Variants in MYH10 observed in about 807,000 individuals in gnomAD.
MYH10 encodes the protein myosin-10.
MYH10 carries 55 observed loss-of-function variants against 257.8 expected under a neutral mutation model. The observed-to-expected ratio is 0.21, with a 90% CI of 0.17 to 0.27. The LOEUF (loss-of-function observed/expected upper bound fraction) is 0.27. MYH10 is among the 10% of genes least tolerant of loss of function. MYH10 has a pLI of 1.00. For missense variants in MYH10, 1,631 were observed against 2,500.6 expected (o/e 0.65, Z 7.42); for synonymous variants, 854 against 921.7 (o/e 0.93, Z 1.33).
At chr17:8,502,376 G>A (rs112867992) in intron 28 of MYH10, among the ~76,000 whole-genome samples, 343 of 152,250 alleles carry the variant, frequency 2.3e-3, no homozygotes, top group Non-Finnish European at 3.8e-3. Flanking sequence ...GGTCAAAGAC[G>A]TGCTGGTCTG....
intron 25 of MYH10, among the ~76,000 whole-genome samples, chr17:8,509,017 C>G (rs141389150): frequency 1.2e-3 from 181 of 152,324 alleles, no homozygotes; most frequent in Middle Eastern, 3.4e-3. Context: ...ATGTCCTAGG[C>G]CTTCACATTC....
At position 8,480,226 on chromosome 17, in the gene MYH10, C is replaced by T; in HGVS notation, c.5481G>A (p.Glu1827=). 6.2e-7 allele frequency: 1 copy of T among 1,614,154 alleles called. No homozygotes were observed. The highest frequency in any genetic ancestry group is 8.5e-7 in the Non-Finnish European group (1 of 1,180,040). ...ARQQLERQNK[E]LKAKLQELEG... is the part of the protein sequence containing the mutation. ...CGAGTTCCTGCAGCTTGGCCTTCAGCTCCTTGTTCTGCCGCTCCAGTTGCT... is the reference window on the plus strand; with the variant it reads ...CGAGTTCCTGCAGCTTGGCCTTCAGTTCCTTGTTCTGCCGCTCCAGTTGCT... The change falls in exon 40 of 43, where the codon GAG becomes GAA. Residue 1827 remains glutamate, a synonymous_variant. Transcript: ENST00000360416.
In MYH10 at chr17:8,487,545, A is replaced by G. The variant is rs1437448775; in HGVS notation, c.4934T>C (p.Leu1645Pro). Residue 1645 changes from leucine (L) to proline (P), a missense_variant, in exon 36 of 43, where the codon CTT (leucine) becomes CCT (proline). By Grantham distance (98) the Leu-to-Pro change is moderately conservative. This residue lies in a region of MYH10 where 463 missense variants were observed against 621.8 expected (regional missense o/e 0.74). Transcript: ENST00000360416. ...ELEDERKQRALAVASKKKMEI... is the reference protein window; with the variant it reads ...ELEDERKQRAPAVASKKKMEI... ...CATCTTTTTCTTTGAAGCTACAGCAAGCGCCCGCTGTTTCCTCTCATCCTC... is the reference window on the plus strand; with the variant it reads ...CATCTTTTTCTTTGAAGCTACAGCAGGCGCCCGCTGTTTCCTCTCATCCTC... 1 of 1,614,206 alleles carries G rather than the reference A, an allele frequency of 6.2e-7. No individual in the cohort carries two copies. The highest frequency in any genetic ancestry group is 1.7e-5 in the Admixed American group (1 of 60,024).
intron 4 of MYH10, among the ~76,000 whole-genome samples, chr17:8,583,625 T>C (rs1355211388): frequency 6.6e-6 from 1 of 152,224 alleles, no homozygotes; most frequent in Non-Finnish European, 1.5e-5. Context: ...TTCAACTACA[T>C]TACACTGTTG....
In MYH10 at chr17:8,492,821, G is replaced by A; in HGVS notation, c.4413C>T (p.Arg1471=). ...DDLTVDLDHQ[R]QVASNLEKKQ... ...TCTTCTCCAAGTTGGAGGCGACCTGGCGCTGGTGGTCCAGGTCCACCGTGA... is the reference window on the plus strand; with the variant it reads ...TCTTCTCCAAGTTGGAGGCGACCTGACGCTGGTGGTCCAGGTCCACCGTGA... Residue 1471 remains arginine (R), a synonymous_variant, in exon 33 of 43, where the codon CGC becomes CGT. Coordinates refer to ENST00000360416, the MANE Select transcript of MYH10 (RefSeq NM_001256012.3). The A allele has an allele frequency of 1.2e-6, 2 of 1,614,002 alleles. No individual in the cohort carries two copies. The highest frequency in any genetic ancestry group is 2.2e-5 in the South Asian group (2 of 91,076).
At chr17:8,533,777 C>T (rs1337361384) in intron 16 of MYH10, among the ~76,000 whole-genome samples, 1 of 152,148 alleles carries the variant, frequency 6.6e-6, no homozygotes, top group East Asian at 1.9e-4. Context: ...ATCACAGATC[C>T]ACTTTGCATA....
At chr17:8,482,364 G>A (rs1913978092) in intron 37 of MYH10, among the ~76,000 whole-genome samples, 1 of 152,236 alleles carries the variant, frequency 6.6e-6, no homozygotes, top group South Asian at 2.1e-4. Flanking sequence ...TTACATGAGT[G>A]TAGGCTGAAG....
intron 3 of MYH10, among the ~76,000 whole-genome samples, chr17:8,599,699 A>T (rs2152068489): frequency 6.6e-6 from 1 of 152,322 alleles, no homozygotes; most frequent in South Asian, 2.1e-4. Context: ...AACGGGTAAA[A>T]CTTTAGCTAA....
chr17:8,482,388 C>CCTGG (rs1913983057), intron 37 of MYH10, among the ~76,000 whole-genome samples: 1 of 152,160 alleles, frequency 6.6e-6, no homozygotes, highest in South Asian at 2.1e-4. Flanking sequence ...CTCTGACAGG[C>CCTGG]CTGGGTTCTA....
At chr17:8,503,345 T>C (rs2080969299) in intron 28 of MYH10, among the ~76,000 whole-genome samples, 1 of 152,054 alleles carries the variant, frequency 6.6e-6, no homozygotes, top group African/African-American at 2.4e-5. Context: ...CCTCGAACCA[T>C]GCCTGGCTCA....
At chr17:8,567,585 G>A (rs1197600505) in intron 7 of MYH10, among the ~76,000 whole-genome samples, 1 of 152,080 alleles carries the variant, frequency 6.6e-6, no homozygotes, top group African/African-American at 2.4e-5. Flanking sequence ...TTAAAAAAGG[G>A]TCATTAGGGT....
rs754396024 is a variant in MYH10 at position 8,477,055 on chromosome 17, G to A, written c.5707-7C>T. ...GAGCGTTGGCCTTCTCCATCTTGGG[G>A]AGGGTACATGAACCAAAACAAACCA... On this transcript the variant is annotated splice_region_variant and splice_polypyrimidine_tract_variant and intron_variant, in intron 41 of 42. Coordinates refer to ENST00000360416, the MANE Select transcript of MYH10 (RefSeq NM_001256012.3). This position sits in a 1 kb window ranked among gnomAD's most constrained non-coding sequence, Gnocchi z 4.2. The A allele has an allele frequency of 6.2e-7, 1 of 1,613,822 alleles. No individual in the cohort carries two copies. The highest frequency in any genetic ancestry group is 8.5e-7 in the Non-Finnish European group (1 of 1,180,010).
chr17:8,503,577 T>C (rs545255474), intron 28 of MYH10, among the ~76,000 whole-genome samples: 39 of 152,302 alleles, frequency 2.6e-4, no homozygotes, highest in South Asian at 1.2e-3. Flanking sequence ...GATGTCATTC[T>C]TTCCACGACC....
Position 8,535,152 on chromosome 17 carries a change from G to T in MYH10, c.1894+235C>A, listed in dbSNP as rs2151932865. On this transcript the variant is annotated intron_variant, in intron 16 of 42. Transcript: ENST00000360416. The surrounding 1 kb of genome is among the most constrained non-coding windows in gnomAD (Gnocchi z 4.3). ...GTCTTTGTGGCTCCGGGCCTAGAATGTTTCTGTACTCCTACAACATCTGAC... is the reference window on the plus strand; with the variant it reads ...GTCTTTGTGGCTCCGGGCCTAGAATTTTTCTGTACTCCTACAACATCTGAC... Among the ~76,000 whole-genome samples, 1 of 152,234 alleles carries T rather than the reference G, an allele frequency of 6.6e-6. No homozygotes were observed. Among genetic ancestry groups the T allele is most frequent in the South Asian group, 2.1e-4 (1 of 4,822 alleles).
intron 30 of MYH10, among the ~76,000 whole-genome samples, chr17:8,496,321 G>T (rs1979734): frequency 0.97 from 147,889 of 152,316 alleles, 71,958 homozygotes; most frequent in East Asian, 1. Flanking sequence ...CGCTTCCATG[G>T]TCACTCTGTT....
chr17:8,520,724 T>C (rs1260552137), intron 19 of MYH10, among the ~76,000 whole-genome samples, 154 bp downstream of exon 19: 1 of 152,208 alleles, frequency 6.6e-6, no homozygotes, highest in African/African-American at 2.4e-5. Flanking sequence ...GTAGTAAGGA[T>C]TGTCCCTTTT....
chr17:8,503,402 A>AC (rs1248368893), intron 28 of MYH10, among the ~76,000 whole-genome samples: 1 of 152,238 alleles, frequency 6.6e-6, no homozygotes, highest in African/African-American at 2.4e-5. Context: ...ACAAAAACCA[A>AC]CCAACCTCTG....
chr17:8,517,991 T>C (rs986440068), intron 21 of MYH10, among the ~76,000 whole-genome samples: 1 of 147,900 alleles, frequency 6.8e-6, no homozygotes, highest in African/African-American at 2.5e-5. Flanking sequence ...CTCTGAGGAC[T>C]TGAGCTGAAG....
At chr17:8,595,292 C>T (rs2084318760) in intron 3 of MYH10, among the ~76,000 whole-genome samples, 1 of 152,082 alleles carries the variant, frequency 6.6e-6, no homozygotes, top group South Asian at 2.1e-4. Context: ...CATTTTAAAA[C>T]TAATCGCCTT....
Sources: allele counts gnomAD v4.1 joint callset (sites outside exome capture counted in the v4.1 genomes callset), GRCh38; gene constraint gnomAD v4.1.1; regional missense constraint gnomAD v4.1.1; non-coding constraint Gnocchi (gnomAD v3.1); transcripts MANE v1.5; gene names NCBI Gene and HGNC (gene_info 2026-07-23, HGNC 2026-07-21).